DSCAM: variants seen among roughly 807,000 people sequenced by gnomAD.
DSCAM encodes DS cell adhesion molecule, also known as cell adhesion molecule DSCAM.
DSCAM carries 47 observed loss-of-function variants against 217.7 expected under a neutral mutation model. The observed-to-expected ratio is 0.22, with a 90% CI of 0.17 to 0.28. DSCAM has a LOEUF of 0.28. Among genes scored for constraint, DSCAM ranks in the 10% least tolerant of loss-of-function variants. The probability of loss-of-function intolerance (pLI) is 1.00; values close to 1 mark genes in which losing one functional copy is unlikely to be tolerated. For missense variants in DSCAM, 2,080 were observed against 2,618.3 expected (o/e 0.79, Z 4.49); for synonymous variants, 1,056 against 1,015.3 (o/e 1.04, Z -0.76).
intron 3 of DSCAM, among the ~76,000 whole-genome samples, chr21:40,488,023 A>G (rs1423691690): frequency 6.6e-6 from 1 of 152,214 alleles, no homozygotes; most frequent in Non-Finnish European, 1.5e-5. Flanking sequence ...GGTTCAGGAG[A>G]TCCAGAGAGG....
chr21:40,717,086 G>A (rs1388391158), intron 1 of DSCAM, among the ~76,000 whole-genome samples: 1 of 152,252 alleles, frequency 6.6e-6, no homozygotes, highest in Non-Finnish European at 1.5e-5. Context: ...GTGCTGGGAA[G>A]CAGGAAATTC....
intron 1 of DSCAM, among the ~76,000 whole-genome samples, chr21:40,785,818 G>A (rs1316792374): frequency 6.6e-6 from 1 of 152,214 alleles, no homozygotes; most frequent in Admixed American, 6.5e-5. Context: ...CAGTCCAGAA[G>A]GGTAGAGACA....
chr21:40,546,462 C>G (rs1407818023), intron 3 of DSCAM, among the ~76,000 whole-genome samples: 1 of 152,204 alleles, frequency 6.6e-6, no homozygotes, highest in African/African-American at 2.4e-5. Context: ...GCCTTTTGAC[C>G]TTAGGCAAAT....
At position 40,023,365 on chromosome 21, in the gene DSCAM, T is replaced by A. The variant is rs543150635; in HGVS notation, c.5687-9979A>T. On this transcript the variant is annotated intron_variant, in intron 32 of 32. Transcript: ENST00000400454. ...TGTCTTTATAGCAGCATGATTTATA[T>A]TCCTTTGGGTATATACCCAGTAATG... 3.1e-3 allele frequency among the ~76,000 whole-genome samples: 468 copies of A among 152,034 alleles called. 6 individuals are homozygous for A. Among genetic ancestry groups the A allele is most frequent in the African/African-American group, 0.011 (456 of 41,400 alleles).
chr21:40,380,859 C>T (rs1372470865), intron 3 of DSCAM, among the ~76,000 whole-genome samples: 2 of 151,648 alleles, frequency 1.3e-5, no homozygotes, highest in Admixed American at 6.6e-5. Context: ...GTCAGGAGAT[C>T]GAGACCATCC....
intron 20 of DSCAM, among the ~76,000 whole-genome samples, chr21:40,113,480 G>C (rs2089926739): frequency 6.6e-6 from 1 of 152,158 alleles, no homozygotes; most frequent in South Asian, 2.1e-4. Context: ...AAAACTGGAA[G>C]CATTCCCTTG....
intron 3 of DSCAM, among the ~76,000 whole-genome samples, chr21:40,691,324 T>A (rs1333994214): frequency 6.6e-6 from 1 of 152,212 alleles, no homozygotes; most frequent in African/African-American, 2.4e-5. Flanking sequence ...AAAATTTGGA[T>A]GACAGGGTTA....
chr21:40,514,148 G>A (rs956547842), intron 3 of DSCAM, among the ~76,000 whole-genome samples: 5 of 152,156 alleles, frequency 3.3e-5, no homozygotes, highest in Non-Finnish European at 5.9e-5. Flanking sequence ...CAATTTAAGA[G>A]AAACAGTGGC....
intron 3 of DSCAM, among the ~76,000 whole-genome samples, chr21:40,561,029 G>A (rs777851812): frequency 2.6e-5 from 4 of 152,158 alleles, no homozygotes; most frequent in South Asian, 2.1e-4. Flanking sequence ...ATTAAGTGTC[G>A]TATGTTAACA....
At chr21:40,343,810 A>G (rs1042813566) in intron 6 of DSCAM, among the ~76,000 whole-genome samples, 11 of 144,132 alleles carry the variant, frequency 7.6e-5, no homozygotes, top group Non-Finnish European at 1.7e-4. Context: ...TCTATAATAA[A>G]GTGTTATTTT....
intron 1 of DSCAM, among the ~76,000 whole-genome samples, chr21:40,761,099 G>A (rs940395603): frequency 1.3e-5 from 2 of 152,214 alleles, no homozygotes; most frequent in Non-Finnish European, 1.5e-5. Context: ...TCTGGTATCT[G>A]AACTCAGTGA....
At chr21:40,678,386 C>T (rs1421644978) in intron 3 of DSCAM, among the ~76,000 whole-genome samples, 1 of 152,170 alleles carries the variant, frequency 6.6e-6, no homozygotes, top group Non-Finnish European at 1.5e-5. Context: ...AGGTTGGAGT[C>T]CCTGCACCGC....
chr21:40,275,947 A>G, intron 11 of DSCAM, 150 bp downstream of exon 11: 1 of 739,580 alleles, frequency 1.4e-6, no homozygotes, highest in Non-Finnish European at 2.0e-6. Flanking sequence ...TGTTTCCAGA[A>G]CAACAAAACT....
At chr21:40,065,662 C>T (rs2089196312) in intron 27 of DSCAM, among the ~76,000 whole-genome samples, 2 of 152,194 alleles carry the variant, frequency 1.3e-5, no homozygotes, top group South Asian at 2.1e-4. Context: ...CAGTACTCTC[C>T]TGCCTTCCAG....
rs753521335 is a variant in DSCAM, at chr21:40,124,209, G to T, written c.3682C>A (p.His1228Asn). Reference sequence around the variant, plus strand: ...TACCAACTTACTGTGGGATAGGGGTGGGAGCAGAATACAGTGTACTTTCGG... The same window carrying T: ...TACCAACTTACTGTGGGATAGGGGTTGGAGCAGAATACAGTGTACTTTCGG... ...IIRKYTVFCS[H>N]PYPTVISEFE... Residue 1228 changes from histidine (H) to asparagine (N), a missense_variant, in exon 20 of 33, where the codon CAC becomes AAC. Physicochemically the swap from His to Asn is moderately conservative, Grantham distance 68 (BLOSUM62 1). Transcript: ENST00000400454. 1 of 1,613,870 alleles carries T rather than the reference G, an allele frequency of 6.2e-7. No individual in the cohort carries two copies. The highest frequency in any genetic ancestry group is 1.3e-5 in the African/African-American group (1 of 74,874).
chr21:40,666,257 A>G (rs1374058601), intron 3 of DSCAM, among the ~76,000 whole-genome samples: 1 of 152,176 alleles, frequency 6.6e-6, no homozygotes, highest in East Asian at 1.9e-4. Context: ...ACACCCATGC[A>G]CTGTGCATGC....
At chr21:40,715,741 T>C (rs553228629) in intron 1 of DSCAM, among the ~76,000 whole-genome samples, 165 of 152,202 alleles carry the variant, frequency 1.1e-3, no homozygotes, top group Non-Finnish European at 2.0e-3. Flanking sequence ...CCCAAACATA[T>C]TGTTAGGAAT....
chr21:40,043,773 A>T (rs2088797113), intron 31 of DSCAM, among the ~76,000 whole-genome samples: 1 of 152,178 alleles, frequency 6.6e-6, no homozygotes. Flanking sequence ...GGGGGTGAAA[A>T]TTTAAAAATG....
chr21:40,542,242 G>A (rs1482028255), intron 3 of DSCAM, among the ~76,000 whole-genome samples: 2 of 152,138 alleles, frequency 1.3e-5, no homozygotes, highest in East Asian at 1.9e-4. Context: ...TATACATATC[G>A]TTGGGAATGA....
Sources: gnomAD v4.1 joint callset for allele counts (sites outside exome capture counted in the v4.1 genomes callset) on GRCh38, gnomAD v4.1.1 for gene constraint, MANE v1.5 for transcripts, NCBI Gene and HGNC (gene_info 2026-07-23, HGNC 2026-07-21) for gene names.